The following RBFOX3 variants were observed in gnomAD, a reference collection of about 807,000 sequenced individuals.
The protein encoded by RBFOX3 is RNA binding fox-1 homolog 3, also known as RNA binding protein fox-1 homolog 3.
In RBFOX3, 17 loss-of-function variants were observed where a neutral mutation model predicts 48.7. The ratio of observed to expected loss-of-function variants is 0.35; its 90% CI spans 0.24 to 0.52. RBFOX3 has a LOEUF of 0.52. Among genes scored for constraint, RBFOX3 ranks in the 20% least tolerant of loss-of-function variants. The pLI is 0.94. For missense variants in RBFOX3, 382 were observed against 497.5 expected (o/e 0.77, Z 2.21); for synonymous variants, 212 against 209.5 (o/e 1.01, Z -0.10).
chr17:79,108,670 G>A (rs558893657), intron 5 of RBFOX3, among the ~76,000 whole-genome samples: 1 of 152,360 alleles, frequency 6.6e-6, no homozygotes, highest in South Asian at 2.1e-4. Context: ...GGCCACCCTG[G>A]TTGTCCTTTC....
chr17:79,662,414 G>A, the RBFOX3 span, among the ~76,000 whole-genome samples: 16 of 151,986 alleles, frequency 1.1e-4, no homozygotes, highest in East Asian at 1.7e-3. Context: ...GAGCCACCGC[G>A]CCCGGCTGCT....
Position 79,457,817 on chromosome 17 carries a change from G to A in RBFOX3, c.-175+24637C>T, listed in dbSNP as rs553498218. Among the ~76,000 whole-genome samples, 19 of 152,374 alleles carry A rather than the reference G, an allele frequency of 1.2e-4. No homozygotes were observed. In the South Asian group the frequency reaches 2.7e-3, roughly 22 times the overall value. On this transcript the variant is annotated intron_variant, in intron 2 of 14. Transcript: ENST00000693108. Reference sequence around the variant, plus strand: ...GAGACCCTTCAGTGCATAAGGAAACGGAACGTGACCTCTAAGAGCAGAGGC... The same window carrying A: ...GAGACCCTTCAGTGCATAAGGAAACAGAACGTGACCTCTAAGAGCAGAGGC...
intron 1 of RBFOX3, among the ~76,000 whole-genome samples, chr17:79,517,557 C>A (rs1047465589): frequency 0.013 from 1 of 76 alleles, no homozygotes; most frequent in African/African-American, 0.1. Flanking sequence ...GTTCAGGGGC[C>A]CCCATTCCTA....
intron 3 of RBFOX3, among the ~76,000 whole-genome samples, chr17:79,279,562 C>T (rs2069757169): frequency 6.6e-6 from 1 of 152,208 alleles, no homozygotes; most frequent in African/African-American, 2.4e-5. Flanking sequence ...TGACCCAGTC[C>T]AAATAACCTA....
In RBFOX3 at chr17:79,311,615, T is replaced by TA. The variant is rs1482000871; in HGVS notation, c.-174-3792dup. 2.0e-5 allele frequency among the ~76,000 whole-genome samples: 3 copies of TA among 152,168 alleles called. No homozygotes were observed. Among genetic ancestry groups the TA allele is most frequent in the Non-Finnish European group, 2.9e-5 (2 of 68,036 alleles). ...TCAATCAATCAATCATCTACCTACC[T>TA]ACCTAGGTCCTGTTGACTTTGTTTA... On this transcript the variant is annotated intron_variant, in intron 2 of 14. Transcript: ENST00000693108. The surrounding 1 kb of genome is among the most constrained non-coding windows in gnomAD (Gnocchi z 4.2).
the RBFOX3 span, among the ~76,000 whole-genome samples, chr17:79,623,289 A>G: frequency 6.6e-6 from 1 of 152,226 alleles, no homozygotes; most frequent in Admixed American, 6.5e-5. Context: ...CACCATGCCC[A>G]CTGCTGCCCA....
intron 2 of RBFOX3, among the ~76,000 whole-genome samples, chr17:79,394,027 C>G (rs111519026): frequency 0.074 from 11,245 of 151,994 alleles, 538 homozygotes; most frequent in Non-Finnish European, 0.11. Flanking sequence ...CTGAACTGGT[C>G]ATCACACACA....
chr17:79,574,669 G>T (rs1368061676), intron 1 of RBFOX3, among the ~76,000 whole-genome samples: 1 of 152,228 alleles, frequency 6.6e-6, no homozygotes, highest in Non-Finnish European at 1.5e-5. Context: ...AGTAGCCCAT[G>T]CCGCTGCTCC....
chr17:79,153,720 C>G (rs2707033), intron 4 of RBFOX3, among the ~76,000 whole-genome samples: 101,339 of 152,126 alleles, frequency 0.67, 34,055 homozygotes, highest in East Asian at 0.73. Flanking sequence ...GTAACCAATC[C>G]CACCACCTGC....
the RBFOX3 span, among the ~76,000 whole-genome samples, chr17:79,618,417 A>C: frequency 6.6e-6 from 1 of 152,198 alleles, no homozygotes; most frequent in Non-Finnish European, 1.5e-5. Context: ...CAAATTAAAA[A>C]TAGGAAAAAT....
intron 1 of RBFOX3, among the ~76,000 whole-genome samples, chr17:79,491,003 G>A (rs2080418551): frequency 7.3e-6 from 1 of 137,166 alleles, no homozygotes; most frequent in Non-Finnish European, 1.6e-5. Context: ...TCCTAGGGCA[G>A]GTGACCAACC....
chr17:79,208,198 A>G, intron 4 of RBFOX3, among the ~76,000 whole-genome samples: 1 of 152,212 alleles, frequency 6.6e-6, no homozygotes, highest in South Asian at 2.1e-4. Context: ...GCGGGTCTCC[A>G]GCTGTCAGCC....
intron 14 of RBFOX3, chr17:79,092,365 A>G (rs896689423): frequency 1.0e-6 from 1 of 985,676 alleles, no homozygotes; most frequent in Non-Finnish European, 1.2e-6. Context: ...ACGGTTGCAG[A>G]CATACAGGAA....
the RBFOX3 span, among the ~76,000 whole-genome samples, chr17:79,648,632 G>C: frequency 6.6e-6 from 1 of 152,234 alleles, no homozygotes; most frequent in Admixed American, 6.5e-5. Flanking sequence ...GCCGATGGGG[G>C]CATGGCAGTA....
chr17:79,608,128 C>T (rs986247203), intron 1 of RBFOX3, among the ~76,000 whole-genome samples: 1 of 152,198 alleles, frequency 6.6e-6, no homozygotes, highest in Non-Finnish European at 1.5e-5. Context: ...CTGTGGAGGC[C>T]CCGGCCCTGT....
At chr17:79,146,241 G>A (rs1459765860) in intron 4 of RBFOX3, among the ~76,000 whole-genome samples, 2 of 152,122 alleles carry the variant, frequency 1.3e-5, no homozygotes, top group Non-Finnish European at 2.9e-5. Flanking sequence ...CACAACGTGG[G>A]GTGTCCCTAG....
intron 14 of RBFOX3, 99 bp from the exon 15 acceptor site, chr17:79,090,984 A>C: frequency 1.7e-6 from 2 of 1,208,044 alleles, no homozygotes; most frequent in African/African-American, 1.6e-5. Context: ...CCTGGCCTAA[A>C]GTCCTGGCGC....
chr17:79,171,448 GC>G (rs2049263871), intron 4 of RBFOX3, among the ~76,000 whole-genome samples: 1 of 152,138 alleles, frequency 6.6e-6, no homozygotes, highest in Non-Finnish European at 1.5e-5. Flanking sequence ...GCTCATTTCT[GC>G]CGTCGCCAGG....
At chr17:79,593,765 C>A (rs1308670599) in intron 1 of RBFOX3, among the ~76,000 whole-genome samples, 1 of 152,204 alleles carries the variant, frequency 6.6e-6, no homozygotes, top group African/African-American at 2.4e-5. Flanking sequence ...ACACTGGGCA[C>A]CAGTTCAGGC....
Sources: gnomAD v4.1 joint callset for allele counts (sites outside exome capture counted in the v4.1 genomes callset) on GRCh38, gnomAD v4.1.1 for gene constraint, Gnocchi (gnomAD v3.1) non-coding constraint, MANE v1.5 for transcripts, NCBI Gene and HGNC (gene_info 2026-07-23, HGNC 2026-07-21) for gene names.